FOXP2: variants seen among roughly 807,000 people sequenced by gnomAD.
FOXP2 encodes forkhead box P2.
FOXP2 carries 12 observed loss-of-function variants against 115.8 expected under a neutral mutation model. The ratio of observed to expected loss-of-function variants is 0.10; its 90% CI spans 0.07 to 0.17. FOXP2 has a LOEUF of 0.17. Among genes scored for constraint, FOXP2 ranks in the 10% least tolerant of loss-of-function variants. The probability of loss-of-function intolerance (pLI) is 1.00; values close to 1 mark genes in which losing one functional copy is unlikely to be tolerated. For missense variants in FOXP2, 629 were observed against 843.5 expected (o/e 0.75, Z 3.15); for synonymous variants, 328 against 297.7 (o/e 1.10, Z -1.05).
At chr7:114,589,607 C>T (rs1802342876) in intron 3 of FOXP2, among the ~76,000 whole-genome samples, 1 of 152,206 alleles carries the variant, frequency 6.6e-6, no homozygotes, top group African/African-American at 2.4e-5. Flanking sequence ...TAATAATGCA[C>T]TTCTCAGACT....
chr7:114,138,671 G>C (rs901052174), intron 1 of FOXP2, among the ~76,000 whole-genome samples: 2 of 152,082 alleles, frequency 1.3e-5, no homozygotes, highest in African/African-American at 4.8e-5. Flanking sequence ...GATTACAGGC[G>C]TGAGCCACCA....
At chr7:114,292,982 C>T (rs567948354) in intron 2 of FOXP2, among the ~76,000 whole-genome samples, 2 of 152,038 alleles carry the variant, frequency 1.3e-5, no homozygotes, top group Non-Finnish European at 2.9e-5. Flanking sequence ...CTCGAATAAC[C>T]CTTAAGTTAC....
intron 1 of FOXP2, among the ~76,000 whole-genome samples, chr7:114,248,339 A>T (rs1795345266): frequency 6.6e-6 from 1 of 152,208 alleles, no homozygotes; most frequent in Non-Finnish European, 1.5e-5. Context: ...TCAGATGTTA[A>T]TCATCCAGAA....
chr7:114,299,165 A>G (rs1201543384), intron 2 of FOXP2, among the ~76,000 whole-genome samples: 1 of 152,164 alleles, frequency 6.6e-6, no homozygotes, highest in Non-Finnish European at 1.5e-5. Context: ...GTAAATAACT[A>G]TACAATATAT....
chr7:114,300,367 G>A (rs181382142), intron 2 of FOXP2, among the ~76,000 whole-genome samples: 7 of 152,046 alleles, frequency 4.6e-5, no homozygotes, highest in Admixed American at 2.6e-4. Context: ...CTTAAAATAT[G>A]TATTTATTTA....
chr7:114,644,605 T>C (rs1250289497), intron 7 of FOXP2, 80 bp from the exon 8 acceptor site: 19 of 1,194,066 alleles, frequency 1.6e-5, no homozygotes, highest in South Asian at 1.2e-5. Flanking sequence ...TTGTCACTGA[T>C]CGTAACCTGA....
chr7:114,144,324 G>T (rs943646052), intron 1 of FOXP2, among the ~76,000 whole-genome samples: 1 of 152,080 alleles, frequency 6.6e-6, no homozygotes, highest in African/African-American at 2.4e-5. Context: ...AAACTATATA[G>T]TTTATTTTGC....
rs1381499735 is a variant in FOXP2 at position 114,693,702 on chromosome 7, C to T, written c.*3776C>T. On this transcript the variant is annotated 3_prime_UTR_variant, in exon 17 of 17. Transcript: ENST00000350908. ...GTTGGATGTAAAAATGTATATGAAA[C>T]CATTTCATTCACTTGATTACATTTC... is the stretch of plus-strand genomic sequence containing the variant. 1 of 342,348 alleles carries T rather than the reference C, an allele frequency of 2.9e-6. No homozygotes were observed. Among genetic ancestry groups the T allele is most frequent in the Non-Finnish European group, 5.7e-6 (1 of 175,752 alleles). The allele number at this position is 342,348 out of a possible 1,614,324, so 21.2% of individuals were successfully genotyped here. A position where few individuals can be genotyped will look rare whatever the true frequency, so the allele number is the denominator to read the frequency against.
chr7:114,355,523 T>C (rs1035704800), intron 2 of FOXP2, among the ~76,000 whole-genome samples: 1 of 152,178 alleles, frequency 6.6e-6, no homozygotes, highest in African/African-American at 2.4e-5. Flanking sequence ...TTTTCCTGTT[T>C]TCTATGGCTC....
chr7:114,692,463 A>G lies in FOXP2; in HGVS notation c.*2537A>G, dbSNP rs1405975965. Reference sequence around the variant, plus strand: ...CCTGAAATGCTTGGTCTGTATTTTGATAATTGTGCATATTATGTAAAAATG... The same window carrying G: ...CCTGAAATGCTTGGTCTGTATTTTGGTAATTGTGCATATTATGTAAAAATG... On this transcript the variant is annotated 3_prime_UTR_variant, in exon 17 of 17. Transcript: ENST00000350908. 3 of 452,082 alleles carry G rather than the reference A, an allele frequency of 6.6e-6. No homozygotes were observed. The highest frequency in any genetic ancestry group is 1.3e-5 in the Non-Finnish European group (3 of 226,224). 28.0% of individuals were successfully genotyped at this position (452,082 alleles called of 1,614,324 possible).
intron 8 of FOXP2, among the ~76,000 whole-genome samples, 170 bp from the exon 9 acceptor site, chr7:114,652,032 AT>A (rs1414473591): frequency 6.6e-6 from 1 of 152,124 alleles, no homozygotes; most frequent in Non-Finnish European, 1.5e-5. Flanking sequence ...TACATAAATA[AT>A]TTTCACACAA....
At chr7:114,669,512 T>C (rs1438635736) in intron 16 of FOXP2, 2 of 152,202 alleles carry the variant, frequency 1.3e-5, no homozygotes, top group East Asian at 1.9e-4. Flanking sequence ...TGTTCCCTTA[T>C]GCACCTGAAT....
intron 2 of FOXP2, among the ~76,000 whole-genome samples, chr7:114,397,315 C>T (rs1368560050): frequency 2.0e-5 from 3 of 152,112 alleles, no homozygotes; most frequent in Middle Eastern, 3.2e-3. Context: ...GATCACTATA[C>T]TAGGAATGCA....
At chr7:114,451,470 G>A (rs1795070477) in intron 2 of FOXP2, among the ~76,000 whole-genome samples, 1 of 152,020 alleles carries the variant, frequency 6.6e-6, no homozygotes, top group African/African-American at 2.4e-5. Flanking sequence ...AACTATAAAT[G>A]TCTGATACTT....
At chr7:114,186,863 G>T (rs1793620404) in intron 1 of FOXP2, among the ~76,000 whole-genome samples, 2 of 152,162 alleles carry the variant, frequency 1.3e-5, no homozygotes, top group African/African-American at 2.4e-5. Flanking sequence ...CTGTGACTGG[G>T]CTGGGTTGAG....
chr7:114,123,436 C>G (rs557456930), intron 1 of FOXP2, among the ~76,000 whole-genome samples: 1 of 151,000 alleles, frequency 6.6e-6, no homozygotes, highest in East Asian at 2.0e-4. Context: ...GTGTGGTCAA[C>G]TATATATATT....
At chr7:114,368,298 A>G (rs943416718) in intron 2 of FOXP2, among the ~76,000 whole-genome samples, 6 of 152,198 alleles carry the variant, frequency 3.9e-5, no homozygotes, top group Non-Finnish European at 8.8e-5. Flanking sequence ...TGGTATCACT[A>G]TTTTAAAATC....
intron 16 of FOXP2, chr7:114,667,851 AT>A (rs1807255932): frequency 1.3e-5 from 2 of 152,164 alleles, no homozygotes; most frequent in Non-Finnish European, 1.5e-5. Context: ...ATATTCTGAA[AT>A]TGGGAGAGAC....
intron 2 of FOXP2, among the ~76,000 whole-genome samples, chr7:114,387,472 G>T (rs1305927380): frequency 6.6e-6 from 1 of 152,146 alleles, no homozygotes; most frequent in Admixed American, 6.5e-5. Flanking sequence ...GAAAACACAT[G>T]ATTGCTCTTG....
Sources: allele counts gnomAD v4.1 joint callset (sites outside exome capture counted in the v4.1 genomes callset), GRCh38; gene constraint gnomAD v4.1.1; transcripts MANE v1.5; gene names NCBI Gene and HGNC (gene_info 2026-07-23, HGNC 2026-07-21).